KAZN: variants seen among roughly 807,000 people sequenced by gnomAD.
The protein encoded by KAZN is kazrin, periplakin interacting protein, also known as kazrin.
In KAZN, 40 loss-of-function variants were observed where a neutral mutation model predicts 87.4. The ratio of observed to expected loss-of-function variants is 0.46; its 90% confidence interval spans 0.36 to 0.60. The LOEUF is 0.60. Among genes scored for constraint, KAZN ranks in the 20% least tolerant of loss-of-function variants. The pLI, the probability that KAZN is intolerant of heterozygous loss-of-function variation, is 0.00. For missense variants in KAZN, 898 were observed against 1,073.9 expected, an observed-to-expected ratio of 0.84 and a Z score of 2.29; for synonymous variants, 466 against 458.3, an observed-to-expected ratio of 1.02 and a Z score of -0.22.
At position 14,603,076 on chromosome 1, in the gene KAZN, C is replaced by T. The variant is rs545519171; in HGVS notation, c.226+3853C>T. 2.0e-5 allele frequency among the ~76,000 whole-genome samples: 3 copies of T among 152,312 alleles called. No individual in the cohort carries two copies. The South Asian group carries it at 6.2e-4, about 32-fold the overall frequency. ...ATTACTACAACACTGGAAACTCTTT[C>T]GTGAAGTATAAATTACCTTTGGAGT... On this transcript the variant is annotated intron_variant, in intron 1 of 14. Coordinates refer to ENST00000376030, the MANE Select transcript of KAZN (RefSeq NM_201628.3).
intron 1 of KAZN, among the ~76,000 whole-genome samples, chr1:14,675,365 G>A (rs1640159465): frequency 6.6e-6 from 1 of 152,230 alleles, no homozygotes; most frequent in Non-Finnish European, 1.5e-5. Context: ...TCAGACATCT[G>A]GTAGGAAATG....
intron 1 of KAZN, among the ~76,000 whole-genome samples, chr1:14,839,273 G>A (rs1647649708): frequency 6.6e-6 from 1 of 152,122 alleles, no homozygotes; most frequent in African/African-American, 2.4e-5. Context: ...CCTTTGCTAG[G>A]TGAGAGACTC....
chr1:14,826,216 G>A (rs541850568), intron 1 of KAZN, among the ~76,000 whole-genome samples: 1 of 152,334 alleles, frequency 6.6e-6, no homozygotes, highest in East Asian at 1.9e-4. Context: ...CTCCCAGATT[G>A]CAAAAGCAGG....
intron 2 of KAZN, among the ~76,000 whole-genome samples, chr1:14,260,876 G>A (rs1372138493): frequency 6.6e-6 from 1 of 152,188 alleles, no homozygotes; most frequent in Non-Finnish European, 1.5e-5. Context: ...GGTAAAGTGA[G>A]GAGTTGGAAT....
chr1:14,628,248 C>T (rs553398568), intron 1 of KAZN, among the ~76,000 whole-genome samples: 1 of 152,232 alleles, frequency 6.6e-6, no homozygotes, highest in African/African-American at 2.4e-5. Flanking sequence ...GACCTTTTGT[C>T]GGCGGAGTAA....
At chr1:14,745,238 C>T (rs1205853355) in intron 1 of KAZN, among the ~76,000 whole-genome samples, 4 of 131,306 alleles carry the variant, frequency 3.0e-5, no homozygotes, top group Admixed American at 8.5e-5. Flanking sequence ...GTGAATGGGG[C>T]GTTTATCATT....
At chr1:14,482,457 C>A (rs1246342824) in intron 2 of KAZN, among the ~76,000 whole-genome samples, 1 of 152,180 alleles carries the variant, frequency 6.6e-6, no homozygotes, top group East Asian at 1.9e-4. Context: ...TTCTGGGAAG[C>A]CATCTCTGAC....
chr1:14,373,380 A>G (rs1490932806), intron 2 of KAZN, among the ~76,000 whole-genome samples: 1 of 152,078 alleles, frequency 6.6e-6, no homozygotes, highest in Non-Finnish European at 1.5e-5. Context: ...TGATGGTGTA[A>G]GTCCCGGTCC....
chr1:14,140,480 G>C (rs6684780), intron 1 of KAZN, among the ~76,000 whole-genome samples: 84,711 of 151,896 alleles, frequency 0.56, 25,045 homozygotes, highest in East Asian at 0.72. Context: ...TGCATGATCT[G>C]CATTCTCTTC....
intron 2 of KAZN, among the ~76,000 whole-genome samples, chr1:14,492,791 A>C (rs532406844): frequency 3.6e-5 from 2 of 55,578 alleles, no homozygotes; most frequent in African/African-American, 1.3e-4. Flanking sequence ...CACACACATC[A>C]CACATATGCA....
intron 11 of KAZN, among the ~76,000 whole-genome samples, chr1:15,102,105 C>A (rs1641093200): frequency 1.3e-5 from 2 of 152,156 alleles, no homozygotes; most frequent in African/African-American, 4.8e-5. Flanking sequence ...GAGAGAACCA[C>A]AAGGAAGCTG....
chr1:14,150,460 T>C (rs1345202433), intron 1 of KAZN, among the ~76,000 whole-genome samples: 2 of 152,222 alleles, frequency 1.3e-5, no homozygotes, highest in Non-Finnish European at 2.9e-5. Flanking sequence ...AAGAACCATC[T>C]GCCCCCAGAA....
At chr1:14,298,621 A>G (rs1001469957) in intron 2 of KAZN, among the ~76,000 whole-genome samples, 2 of 152,160 alleles carry the variant, frequency 1.3e-5, no homozygotes, top group Non-Finnish European at 2.9e-5. Context: ...TAGTTTGCAG[A>G]CTAAAAGTTT....
intron 2 of KAZN, among the ~76,000 whole-genome samples, chr1:14,558,733 G>C (rs1349803815): frequency 6.6e-6 from 1 of 152,122 alleles, no homozygotes; most frequent in Non-Finnish European, 1.5e-5. Flanking sequence ...GCTTCTTGAC[G>C]GGCTTTGATC....
chr1:13,993,411 A>G, intron 1 of KAZN, among the ~76,000 whole-genome samples: 1 of 152,202 alleles, frequency 6.6e-6, no homozygotes, highest in South Asian at 2.1e-4. Flanking sequence ...TTTAGTTGAC[A>G]TTAAATTGTT....
At chr1:14,134,642 T>C (rs905657381) in intron 1 of KAZN, among the ~76,000 whole-genome samples, 39 of 152,242 alleles carry the variant, frequency 2.6e-4, no homozygotes, top group African/African-American at 9.1e-4. Context: ...TAAATAAAGG[T>C]GCACAGTCAT....
intron 2 of KAZN, among the ~76,000 whole-genome samples, chr1:14,371,930 A>C (rs1450028713): frequency 6.6e-6 from 1 of 152,234 alleles, no homozygotes; most frequent in African/African-American, 2.4e-5. Context: ...ACCGAGTTAG[A>C]TTTTAAATGC....
intron 1 of KAZN, among the ~76,000 whole-genome samples, chr1:14,621,290 T>C (rs1212307838): frequency 1.3e-5 from 2 of 152,242 alleles, no homozygotes; most frequent in African/African-American, 4.8e-5. Context: ...TGCAAGTGTA[T>C]TATTTTCTCA....
At chr1:14,029,819 G>T (rs1254019567) in intron 1 of KAZN, among the ~76,000 whole-genome samples, 1 of 152,068 alleles carries the variant, frequency 6.6e-6, no homozygotes, top group Non-Finnish European at 1.5e-5. Flanking sequence ...GCTCTGTTCT[G>T]TTGCATTGAT....
Sources: allele counts gnomAD v4.1 joint callset (sites outside exome capture counted in the v4.1 genomes callset), GRCh38; gene constraint gnomAD v4.1.1; transcripts MANE v1.5; gene names NCBI Gene and HGNC (gene_info 2026-07-23, HGNC 2026-07-21).